The following DOCK2 variants were observed in gnomAD, a reference collection of about 807,000 sequenced individuals.
The protein encoded by DOCK2 is dedicator of cytokinesis 2, also known as dedicator of cytokinesis protein 2.
In DOCK2, 87 loss-of-function variants were observed where a neutral mutation model predicts 248.9. That is an observed-to-expected ratio of 0.35 (90% CI 0.29 to 0.42). The LOEUF is 0.42. Among genes scored for constraint, DOCK2 ranks in the 10% least tolerant of loss-of-function variants. The probability of loss-of-function intolerance (pLI) is 1.00; values close to 1 mark genes in which losing one functional copy is unlikely to be tolerated. For synonymous variants in DOCK2, 805 were observed against 821.6 expected (o/e 0.98, Z 0.35); for missense variants, 1,747 against 2,300.2 (o/e 0.76, Z 4.92).
At chr5:169,879,627 T>C (rs1237231986) in intron 27 of DOCK2, among the ~76,000 whole-genome samples, 2 of 152,210 alleles carry the variant, frequency 1.3e-5, no homozygotes, top group Admixed American at 6.5e-5. Context: ...TTGCTGGAGA[T>C]GTTTGAATTA....
At chr5:169,842,723 AT>A (rs1303426082) in intron 27 of DOCK2, among the ~76,000 whole-genome samples, 1 of 152,154 alleles carries the variant, frequency 6.6e-6, no homozygotes. Context: ...TAGAACAGTG[AT>A]TCTTTTAAAT....
intron 23 of DOCK2, among the ~76,000 whole-genome samples, chr5:169,753,251 A>G (rs985652674): frequency 1.3e-5 from 2 of 152,118 alleles, no homozygotes; most frequent in Non-Finnish European, 2.9e-5. Context: ...GGTTTGTTAC[A>G]TAGATATACA....
At chr5:169,732,899 T>G (rs1447478159) in intron 22 of DOCK2, among the ~76,000 whole-genome samples, 2 of 152,198 alleles carry the variant, frequency 1.3e-5, no homozygotes, top group African/African-American at 4.8e-5. Context: ...CTTTCTAATC[T>G]TAATTCTTTT....
chr5:169,850,959 T>C (rs1770592030), intron 27 of DOCK2, among the ~76,000 whole-genome samples: 1 of 152,228 alleles, frequency 6.6e-6, no homozygotes, highest in Non-Finnish European at 1.5e-5. Context: ...TGCTAGGCCA[T>C]CTTTCCGGTT....
chr5:169,961,388 ATGTATTACC>A (rs1397188798), intron 27 of DOCK2, among the ~76,000 whole-genome samples: 1 of 152,260 alleles, frequency 6.6e-6, no homozygotes, highest in Non-Finnish European at 1.5e-5. Flanking sequence ...CATCAGGGGA[ATGTATTACC>A]TTTGCCTGCT....
intron 2 of DOCK2, among the ~76,000 whole-genome samples, chr5:169,664,963 T>C (rs1198752729): frequency 1.4e-5 from 2 of 147,842 alleles, no homozygotes; most frequent in Non-Finnish European, 3.0e-5. Context: ...TATGTTTATA[T>C]ATAAATATCA....
chr5:169,851,227 A>G (rs1027884020), intron 27 of DOCK2, among the ~76,000 whole-genome samples: 1 of 152,236 alleles, frequency 6.6e-6, no homozygotes, highest in East Asian at 1.9e-4. Context: ...TAATGTGAAT[A>G]AAGTTTTGTT....
At chr5:169,681,113 C>CTTT (rs764614478) in intron 6 of DOCK2, among the ~76,000 whole-genome samples, 15 of 94,230 alleles carry the variant, frequency 1.6e-4, no homozygotes, top group Admixed American at 2.2e-4. Context: ...TTTAGTAGAC[C>CTTT]TTTTTTTTTT....
intron 25 of DOCK2, among the ~76,000 whole-genome samples, chr5:169,780,500 TCATCATAAGC>T (rs769550292): frequency 2.2e-4 from 34 of 152,322 alleles, no homozygotes; most frequent in Middle Eastern, 3.4e-3. Context: ...CGTATTTGTT[TCATCATAAGC>T]CAAACAAAAG....
At chr5:169,895,600 C>T (rs1773551912) in intron 27 of DOCK2, among the ~76,000 whole-genome samples, 1 of 152,068 alleles carries the variant, frequency 6.6e-6, no homozygotes, top group African/African-American at 2.4e-5. Flanking sequence ...ACCCTGACTC[C>T]AGCCACTGGG....
intron 32 of DOCK2, among the ~76,000 whole-genome samples, chr5:170,011,342 G>A (rs1755284908): frequency 6.6e-6 from 1 of 152,228 alleles, no homozygotes; most frequent in Non-Finnish European, 1.5e-5. Context: ...ACAAGATCAT[G>A]TAGTGGGTTA....
chr5:169,638,993 T>A (rs1458120460), intron 1 of DOCK2, among the ~76,000 whole-genome samples: 1 of 152,184 alleles, frequency 6.6e-6, no homozygotes, highest in Admixed American at 6.5e-5. Context: ...TAGTCTGTTT[T>A]GGTTTTAGTA....
intron 2 of DOCK2, among the ~76,000 whole-genome samples, chr5:169,667,926 A>G (rs1359435911): frequency 6.6e-6 from 1 of 152,258 alleles, no homozygotes; most frequent in African/African-American, 2.4e-5. Context: ...GGAAGTATTC[A>G]GGTGGAAAGT....
At chr5:169,729,287 G>A (rs113459708) in intron 22 of DOCK2, among the ~76,000 whole-genome samples, 6,315 of 152,236 alleles carry the variant, frequency 0.041, 169 homozygotes, top group African/African-American at 0.077. Context: ...TGTGATCTTC[G>A]TCAAATGTAC....
intron 1 of DOCK2, among the ~76,000 whole-genome samples, chr5:169,641,052 A>G (rs765547409): frequency 6.6e-6 from 1 of 152,158 alleles, no homozygotes; most frequent in Non-Finnish European, 1.5e-5. Context: ...TGGCTTACAA[A>G]AGCGTTGCCT....
At chr5:169,986,653 C>T (rs1778076850) in intron 29 of DOCK2, among the ~76,000 whole-genome samples, 1 of 152,144 alleles carries the variant, frequency 6.6e-6, no homozygotes, top group Admixed American at 6.5e-5. Flanking sequence ...TTCTAATATT[C>T]CTTGGATTTC....
intron 2 of DOCK2, among the ~76,000 whole-genome samples, chr5:169,668,242 T>C (rs1758843734): frequency 1.3e-5 from 2 of 152,292 alleles, no homozygotes; most frequent in Middle Eastern, 3.4e-3. Flanking sequence ...ATTTCCCACC[T>C]GAGATTCTCT....
intron 37 of DOCK2, among the ~76,000 whole-genome samples, chr5:170,041,598 A>G (rs1690995256): frequency 6.6e-6 from 1 of 152,256 alleles, no homozygotes; most frequent in South Asian, 2.1e-4. Context: ...CAACTCAACA[A>G]AAACCAGGAG....
At chr5:169,991,513 G>A (rs936739997) in intron 29 of DOCK2, among the ~76,000 whole-genome samples, 3 of 152,214 alleles carry the variant, frequency 2.0e-5, no homozygotes, top group Admixed American at 1.3e-4. Context: ...TATTTGAAAG[G>A]ATGGATCTAC....
Sources: allele counts gnomAD v4.1 joint callset (sites outside exome capture counted in the v4.1 genomes callset), GRCh38; gene constraint gnomAD v4.1.1; transcripts MANE v1.5; gene names NCBI Gene and HGNC (gene_info 2026-07-23, HGNC 2026-07-21).